SLIT3: variants seen among roughly 807,000 people sequenced by gnomAD.
SLIT3 encodes the protein slit homolog 3 protein.
Under a neutral mutation model 184.0 loss-of-function variants are expected in SLIT3, and 68 were observed. That is an observed-to-expected ratio of 0.37 (90% CI 0.30 to 0.45). The LOEUF is 0.45. SLIT3 is among the 20% of genes least tolerant of loss of function. The pLI is 1.00. For missense variants in SLIT3, 1,707 were observed against 2,026.0 expected (o/e 0.84, Z 3.02); for synonymous variants, 831 against 828.6 (o/e 1.00, Z -0.05).
intron 4 of SLIT3, among the ~76,000 whole-genome samples, chr5:168,973,024 G>A (rs1034389099): frequency 2.0e-5 from 3 of 152,140 alleles, no homozygotes; most frequent in African/African-American, 7.2e-5. Context: ...TCTTTCCTTA[G>A]ATGACCTCTG....
intron 4 of SLIT3, among the ~76,000 whole-genome samples, chr5:168,938,453 G>T (rs78679564): frequency 1.1e-4 from 16 of 152,114 alleles, no homozygotes; most frequent in Admixed American, 3.3e-4. Context: ...GTGACAGATG[G>T]ATCCTTGCCT....
chr5:169,244,600 T>C, intron 3 of SLIT3, 105 bp downstream of exon 3: 1 of 963,730 alleles, frequency 1.0e-6, no homozygotes, highest in South Asian at 1.4e-5. Flanking sequence ...CTGGAGACCT[T>C]TTTTAACAAG....
At chr5:169,026,527 A>G (rs1036644996) in intron 4 of SLIT3, 3 of 152,234 alleles carry the variant, frequency 2.0e-5, no homozygotes, top group African/African-American at 7.2e-5. Context: ...GGATTATGAT[A>G]TACAGACTGC....
intron 4 of SLIT3, among the ~76,000 whole-genome samples, chr5:168,936,601 A>C (rs2113188094): frequency 6.6e-6 from 1 of 152,256 alleles, no homozygotes; most frequent in Non-Finnish European, 1.5e-5. Context: ...AGAAAGAACG[A>C]ATCTCCCCAG....
At chr5:168,673,429 G>T in intron 32 of SLIT3, 98 bp from the exon 33 acceptor site, 1 of 1,136,814 alleles carries the variant, frequency 8.8e-7, no homozygotes, top group Non-Finnish European at 1.2e-6. Context: ...CTTACATTTT[G>T]TTTTACTTTT....
chr5:169,144,799 G>C (rs970026766), intron 4 of SLIT3, among the ~76,000 whole-genome samples: 28 of 152,202 alleles, frequency 1.8e-4, no homozygotes, highest in Non-Finnish European at 3.5e-4. Context: ...AACCTGGGCA[G>C]AAAAAGACGG....
chr5:169,172,345 C>G (rs150147049), intron 4 of SLIT3, among the ~76,000 whole-genome samples: 1 of 152,284 alleles, frequency 6.6e-6, no homozygotes, highest in East Asian at 1.9e-4. Context: ...GAAGTTGTAA[C>G]TTCCCATTTT....
intron 4 of SLIT3, among the ~76,000 whole-genome samples, chr5:168,908,301 T>C (rs1411591190): frequency 6.6e-6 from 1 of 151,960 alleles, no homozygotes; most frequent in Non-Finnish European, 1.5e-5. Context: ...GGTAGACGAG[T>C]CACCTGGGTC....
At chr5:169,119,335 T>A (rs534387806) in intron 4 of SLIT3, among the ~76,000 whole-genome samples, 153 of 152,342 alleles carry the variant, frequency 1.0e-3, no homozygotes, top group African/African-American at 3.6e-3. Flanking sequence ...GAGTTTCTGA[T>A]CTTCATGATG....
Position 168,684,038 on chromosome 5 carries a change from G to A in SLIT3, c.3614C>T (p.Ala1205Val). ...LLYKGDNDPL[A>V]LELYQGHVRL... The stretch of plus-strand genomic sequence containing the variant: ...CACGTGGCCCTGGTACAGCTCCAGT[G>A]CCAGGGGGTCATTGTCTCCTTTGTA... The change falls in exon 32 of 36, where the codon GCA (alanine) becomes GTA (valine). Residue 1205 changes from alanine to valine, a missense_variant. Physicochemically the swap from Ala to Val is moderately conservative, Grantham distance 64. This residue lies in a region of SLIT3 where 387 missense variants were observed against 477.9 expected (regional missense o/e 0.81). Coordinates refer to ENST00000519560, the MANE Select transcript of SLIT3 (RefSeq NM_003062.4). 1 of 1,607,942 alleles carries A rather than the reference G, an allele frequency of 6.2e-7. No homozygotes were observed. The highest frequency in any genetic ancestry group is 8.5e-7 in the Non-Finnish European group (1 of 1,176,868).
chr5:168,755,049 C>T lies in SLIT3; in HGVS notation c.1686-1042G>A, dbSNP rs1251425671. On this transcript the variant is annotated intron_variant, in intron 16 of 35. Transcript: ENST00000519560. ...GCTTTCCAGTTACTATTGTTGACCA[C>T]TTCTTATGTGCTAGGCACCTCATGA... is the stretch of plus-strand genomic sequence containing the variant. Among the ~76,000 whole-genome samples the T allele has an allele frequency of 2.0e-5, 3 of 152,314 alleles. No homozygotes were observed. In the East Asian group the frequency reaches 5.8e-4, roughly 29 times the overall value.
chr5:169,197,822 A>C (rs941156951), intron 3 of SLIT3, among the ~76,000 whole-genome samples: 5 of 152,046 alleles, frequency 3.3e-5, no homozygotes, highest in African/African-American at 1.2e-4. Context: ...TAAAAAAAAA[A>C]CCAACTGGCT....
At chr5:168,730,799 A>C (rs1228337529) in intron 20 of SLIT3, among the ~76,000 whole-genome samples, 1 of 152,084 alleles carries the variant, frequency 6.6e-6, no homozygotes, top group Non-Finnish European at 1.5e-5. Context: ...TAACAACCTA[A>C]CATCATACCC....
chr5:169,119,134 C>T (rs1017785403), intron 4 of SLIT3, among the ~76,000 whole-genome samples: 1 of 152,174 alleles, frequency 6.6e-6, no homozygotes, highest in Admixed American at 6.6e-5. Context: ...CTTTTAAAAG[C>T]ATCAAAGCTG....
intron 10 of SLIT3, among the ~76,000 whole-genome samples, chr5:168,795,007 C>T (rs73805225): frequency 0.098 from 14,972 of 152,208 alleles, 2,451 homozygotes; most frequent in African/African-American, 0.34. Context: ...ATGCAAGCTC[C>T]GTGAGAGCAG....
chr5:169,223,787 C>CT (rs201947335), intron 3 of SLIT3, among the ~76,000 whole-genome samples: 39 of 151,542 alleles, frequency 2.6e-4, no homozygotes, highest in East Asian at 3.9e-4. Context: ...AAAGAGATTG[C>CT]TTTTTTTTTC....
intron 4 of SLIT3, chr5:169,120,244 T>G (rs576971312): frequency 8.5e-5 from 13 of 152,326 alleles, no homozygotes; most frequent in Admixed American, 3.3e-4. Context: ...GGACCAAATT[T>G]TCTAGGCCTT....
At chr5:168,689,167 A>ACTAG (rs1761835019) in intron 29 of SLIT3, among the ~76,000 whole-genome samples, 1 of 152,166 alleles carries the variant, frequency 6.6e-6, no homozygotes, top group African/African-American at 2.4e-5. Flanking sequence ...GGGCCTGGGA[A>ACTAG]CTAGCATTCC....
chr5:169,088,397 ATTTTTTT>A (rs35908644), intron 4 of SLIT3, among the ~76,000 whole-genome samples: 1 of 135,954 alleles, frequency 7.4e-6, no homozygotes, highest in Non-Finnish European at 1.6e-5. Flanking sequence ...TTTTTCTTCG[ATTTTTTT>A]TTTTTTTTTT....
Sources: gnomAD v4.1 joint callset for allele counts (sites outside exome capture counted in the v4.1 genomes callset) on GRCh38, gnomAD v4.1.1 for gene constraint, gnomAD v4.1.1 regional missense constraint, MANE v1.5 for transcripts, NCBI Gene and HGNC (gene_info 2026-07-23, HGNC 2026-07-21) for gene names.